The following CAPSL variants were observed in gnomAD, a reference collection of about 807,000 sequenced individuals.
CAPSL encodes calcyphosine like, also known as calcyphosin-like protein.
Under a neutral mutation model 21.3 loss-of-function variants are expected in CAPSL, and 17 were observed. The observed-to-expected ratio is 0.80, with a 90% CI of 0.55 to 1.20. The LOEUF is 1.20. Ranked by LOEUF, CAPSL falls within the 50% of genes most tolerant of loss-of-function variation. The pLI is 0.00. For synonymous variants in CAPSL, 102 were observed against 89.3 expected (o/e 1.14, Z -0.80); for missense variants, 289 against 259.3 (o/e 1.11, Z -0.79).
At chr5:35,934,165 T>G (rs1159975170) in intron 1 of CAPSL, among the ~76,000 whole-genome samples, 2 of 152,244 alleles carry the variant, frequency 1.3e-5, no homozygotes, top group Non-Finnish European at 2.9e-5. Context: ...AAATTCTTAT[T>G]TCATTCATCC....
intron 4 of CAPSL, among the ~76,000 whole-genome samples, chr5:35,908,962 G>T (rs1056849222): frequency 5.3e-5 from 8 of 152,096 alleles, no homozygotes; most frequent in Admixed American, 6.5e-5. Flanking sequence ...CTTTTCCTGT[G>T]CTGTAAAGGG....
At chr5:35,935,507 T>C (rs1299204910) in intron 1 of CAPSL, among the ~76,000 whole-genome samples, 1 of 151,850 alleles carries the variant, frequency 6.6e-6, no homozygotes, top group African/African-American at 2.4e-5. Flanking sequence ...TAATTTTTTC[T>C]TATTTTTAGT....
At chr5:35,923,767 G>A (rs1003879088) in intron 1 of CAPSL, among the ~76,000 whole-genome samples, 3 of 152,186 alleles carry the variant, frequency 2.0e-5, no homozygotes, top group Non-Finnish European at 2.9e-5. Context: ...AGTGGGGAGT[G>A]ACTGCTTAAT....
At chr5:35,936,721 C>T (rs980027621) in intron 1 of CAPSL, among the ~76,000 whole-genome samples, 5 of 152,180 alleles carry the variant, frequency 3.3e-5, no homozygotes, top group African/African-American at 1.2e-4. Context: ...TCACCTGCTT[C>T]TTAAGTGCTG....
intron 1 of CAPSL, among the ~76,000 whole-genome samples, chr5:35,924,646 G>C (rs6871116): frequency 0.26 from 40,041 of 152,068 alleles, 5,541 homozygotes; most frequent in African/African-American, 0.34. Context: ...GAATCACCCA[G>C]TTCACCAACC....
chr5:35,930,692 C>T (rs541066516), intron 1 of CAPSL, among the ~76,000 whole-genome samples: 2 of 152,322 alleles, frequency 1.3e-5, no homozygotes, highest in Non-Finnish European at 2.9e-5. Flanking sequence ...GCCAAGCTTC[C>T]AACCCTTGGA....
At chr5:35,907,628 G>A (rs751563760) in intron 4 of CAPSL, among the ~76,000 whole-genome samples, 42 of 152,248 alleles carry the variant, frequency 2.8e-4, no homozygotes, top group Admixed American at 8.5e-4. Context: ...ATCAAATTCC[G>A]TGACTGCTGA....
intron 1 of CAPSL, among the ~76,000 whole-genome samples, chr5:35,933,695 G>A (rs1386305549): frequency 6.6e-6 from 1 of 152,210 alleles, no homozygotes; most frequent in African/African-American, 2.4e-5. Flanking sequence ...GGTAACTGCA[G>A]AGGGGACACA....
At chr5:35,914,354 C>A (rs1480175748) in intron 2 of CAPSL, among the ~76,000 whole-genome samples, 1 of 152,096 alleles carries the variant, frequency 6.6e-6, no homozygotes, top group Non-Finnish European at 1.5e-5. Context: ...CTGCACCAAG[C>A]GGACCTAATA....
chr5:35,926,161 AGCCAATAGGAGACT>A (rs1363790723), intron 1 of CAPSL, among the ~76,000 whole-genome samples: 1 of 151,882 alleles, frequency 6.6e-6, no homozygotes, highest in African/African-American at 2.4e-5. Flanking sequence ...GGGACAGGCT[AGCCAATAGGAGACT>A]GTTGTTTCCA....
chr5:35,926,581 A>G (rs1351742342), intron 1 of CAPSL, among the ~76,000 whole-genome samples: 1 of 152,058 alleles, frequency 6.6e-6, no homozygotes, highest in Non-Finnish European at 1.5e-5. Flanking sequence ...ATTTAAGAGG[A>G]CCCTTGGAAG....
At chr5:35,937,766 A>T (rs1738989826) in intron 1 of CAPSL, among the ~76,000 whole-genome samples, 1 of 152,166 alleles carries the variant, frequency 6.6e-6, no homozygotes, top group South Asian at 2.1e-4. Flanking sequence ...CTGAAATTCA[A>T]ATCTCAATAT....
intron 2 of CAPSL, among the ~76,000 whole-genome samples, chr5:35,920,428 C>T (rs1561440215): frequency 6.6e-6 from 1 of 152,146 alleles, no homozygotes; most frequent in Non-Finnish European, 1.5e-5. Flanking sequence ...ATCTCCTTTC[C>T]CTTTTGGTTT....
intron 2 of CAPSL, among the ~76,000 whole-genome samples, chr5:35,914,434 T>C (rs532534490): frequency 1.3e-5 from 2 of 152,180 alleles, no homozygotes; most frequent in East Asian, 3.9e-4. Context: ...CCACACCTAT[T>C]CCAAAATTGA....
At chr5:35,921,375 A>T (rs1738534861) in intron 1 of CAPSL, among the ~76,000 whole-genome samples, 1 of 152,250 alleles carries the variant, frequency 6.6e-6, no homozygotes, top group Admixed American at 6.5e-5. Flanking sequence ...AGATGTTTTG[A>T]TCTTTCTGAA....
intron 2 of CAPSL, among the ~76,000 whole-genome samples, chr5:35,911,776 A>T (rs1431320397): frequency 6.6e-6 from 1 of 152,216 alleles, no homozygotes; most frequent in Non-Finnish European, 1.5e-5. Context: ...GAACAGCTCC[A>T]GTCTACAGCT....
intron 1 of CAPSL, among the ~76,000 whole-genome samples, chr5:35,927,110 C>T (rs564153921): frequency 6.6e-6 from 1 of 152,274 alleles, no homozygotes; most frequent in African/African-American, 2.4e-5. Context: ...GATGTGCAGT[C>T]GCGATGGCTG....
intron 2 of CAPSL, among the ~76,000 whole-genome samples, chr5:35,915,648 C>G (rs1738358801): frequency 6.6e-6 from 1 of 152,102 alleles, no homozygotes; most frequent in Non-Finnish European, 1.5e-5. Flanking sequence ...AGGCCTTTGA[C>G]AAAATTCAAC....
intron 1 of CAPSL, among the ~76,000 whole-genome samples, chr5:35,937,515 C>T (rs918710717): frequency 6.6e-6 from 1 of 152,190 alleles, no homozygotes; most frequent in Non-Finnish European, 1.5e-5. Flanking sequence ...TCCCACCCAT[C>T]CTTCCATGAT....
Sources: gnomAD v4.1 joint callset for allele counts (sites outside exome capture counted in the v4.1 genomes callset) on GRCh38, gnomAD v4.1.1 for gene constraint, MANE v1.5 for transcripts, NCBI Gene and HGNC (gene_info 2026-07-23, HGNC 2026-07-21) for gene names.